The following ERV3-1 variants were observed in gnomAD, a reference collection of about 807,000 sequenced individuals.
The protein encoded by ERV3-1 is endogenous retrovirus group 3 member 1 Env polyprotein.
A neutral mutation model predicts 24.6 loss-of-function variants in ERV3-1; 36 were observed. The ratio of observed to expected loss-of-function variants is 1.47; its 90% CI spans 1.12 to 1.94. ERV3-1 has a LOEUF of 1.94. ERV3-1 is among the 30% of genes most tolerant of loss of function. ERV3-1 has a pLI of 0.00. For synonymous variants in ERV3-1, 211 were observed against 122.6 expected (o/e 1.72, Z -4.76); for missense variants, 578 against 330.9 (o/e 1.75, Z -5.79).
chr7:65,001,636 A>G (rs1227343592), intron 1 of ERV3-1, among the ~76,000 whole-genome samples: 2 of 152,162 alleles, frequency 1.3e-5, no homozygotes, highest in East Asian at 3.9e-4. Context: ...GGAGACCTCA[A>G]ATCCCAGGAC....
chr7:64,992,047 G>A lies in ERV3-1; in HGVS notation c.980C>T (p.Ala327Val). ...GAACCAGATGCTCTGACTTGATGGT[G>A]CAGGTTCGAGGGAAGAGGCGGTTAG... ...FTLTASSLEP[A>V]PSSQSIWFLK... Residue 327 changes from alanine to valine, a missense_variant, in exon 2 of 2, where the codon GCA becomes GTA. Coordinates refer to ENST00000394323, the MANE Select transcript of ERV3-1 (RefSeq NM_001007253.4). 1 of 766,418 alleles carries A rather than the reference G, an allele frequency of 1.3e-6. No homozygotes were observed. The highest frequency in any genetic ancestry group is 2.4e-6 in the Non-Finnish European group (1 of 417,912). The allele number at this position is 766,418 out of a possible 1,614,324, so 47.5% of individuals were successfully genotyped here.
chr7:65,003,669 A>G (rs926273030), intron 1 of ERV3-1: 22 of 152,230 alleles, frequency 1.4e-4, no homozygotes, highest in African/African-American at 4.6e-4. Flanking sequence ...TACGGTACTT[A>G]CATTTCATAC....
intron 1 of ERV3-1, among the ~76,000 whole-genome samples, chr7:65,001,853 T>C (rs1309339790): frequency 6.6e-6 from 1 of 152,182 alleles, no homozygotes; most frequent in Admixed American, 6.5e-5. Context: ...CAGACCCTGA[T>C]CCAGGGCTCA....
In ERV3-1 at chr7:64,991,823, A is replaced by C. The variant is rs370825178; in HGVS notation, c.1204T>G (p.Trp402Gly). 88 of 766,262 alleles carry C rather than the reference A, an allele frequency of 1.1e-4. 1 individual carries two copies. In the African/African-American group the frequency reaches 1.4e-3, roughly 12 times the overall value. 47.5% of individuals were successfully genotyped at this position (766,262 alleles called of 1,614,324 possible). The change falls in exon 2 of 2, where the codon TGG becomes GGG. Residue 402 changes from tryptophan (W) to glycine (G), a missense_variant. Trp to Gly is a radical substitution (Grantham distance 184). Coordinates refer to ENST00000394323, the MANE Select transcript of ERV3-1 (RefSeq NM_001007253.4). Reference sequence around the variant, plus strand: ...GTATTTGGAGCTTCAAGTTGGTACCAAGAATGGTTTAAAGATGGGAAACGA... The same window carrying C: ...GTATTTGGAGCTTCAAGTTGGTACCCAGAATGGTTTAAAGATGGGAAACGA... ...FSRFPSLNHSWYQLEAPNTWQ... is the reference protein window; with the variant it reads ...FSRFPSLNHSGYQLEAPNTWQ...
In ERV3-1 at chr7:64,992,217, G is replaced by T. The variant is rs78922349; in HGVS notation, c.810C>A (p.Pro270=). ...GTTGGGCGAATAAATTACTGGCCAA[G>T]GGAGGGGGCTCAGGCAATTTCTGGT... The part of the protein sequence containing the change: ...HVNQKLPEPP[P]LASNLFAQLA... The change falls in exon 2 of 2, where the codon CCC becomes CCA. Residue 270 remains proline (P), a synonymous_variant. Coordinates refer to ENST00000394323, the MANE Select transcript of ERV3-1 (RefSeq NM_001007253.4). 10 of 766,416 alleles carry T rather than the reference G, an allele frequency of 1.3e-5. No individual in the cohort carries two copies. In the Admixed American group the frequency reaches 1.7e-4, roughly 13 times the overall value. The allele number at this position is 766,416 out of a possible 1,614,324, so 47.5% of individuals were successfully genotyped here. A position where few individuals can be genotyped will look rare whatever the true frequency, so the allele number is the denominator to read the frequency against.
rs1216551076 is a variant in ERV3-1 at position 64,993,186 on chromosome 7, G to A, written c.-160C>T. ...GCTTCGGCCGTGCATAGACTAGTCA[G>A]CTTCTGGGGTGACTAGAGCAGGGCT... On this transcript the variant is annotated 5_prime_UTR_variant, in exon 2 of 2. Coordinates refer to ENST00000394323, the MANE Select transcript of ERV3-1 (RefSeq NM_001007253.4). The A allele has an allele frequency of 5.0e-6, 3 of 594,316 alleles. No homozygotes were observed. The highest frequency in any genetic ancestry group is 9.0e-6 in the Non-Finnish European group (3 of 334,662). 36.8% of individuals were successfully genotyped at this position (594,316 alleles called of 1,614,324 possible).
At chr7:65,005,201 T>C (rs1393509558) in intron 1 of ERV3-1, 1 of 152,852 alleles carries the variant, frequency 6.5e-6, no homozygotes, top group Non-Finnish European at 1.5e-5. Context: ...GGAGCTGAAA[T>C]TTACTAGACA....
rs779807067 is a variant in ERV3-1, at chr7:64,991,859, T to C, written c.1168A>G (p.Ser390Gly). The part of the protein sequence containing the change: ...KSNNSESPHP[S>G]PFSRFPSLNH... ...AAAGATGGGAAACGAGAGAATGGGCTTGGGTGTGGTGATTCAGAATTATTG... is the reference window on the plus strand; with the variant it reads ...AAAGATGGGAAACGAGAGAATGGGCCTGGGTGTGGTGATTCAGAATTATTG... The change falls in exon 2 of 2, where the codon AGC becomes GGC. Residue 390 changes from serine (S) to glycine (G), a missense_variant. Coordinates refer to ENST00000394323, the MANE Select transcript of ERV3-1 (RefSeq NM_001007253.4). 7 of 766,284 alleles carry C rather than the reference T, an allele frequency of 9.1e-6. No homozygotes were observed. Among genetic ancestry groups the C allele is most frequent in the South Asian group, 2.7e-5 (2 of 74,604 alleles). The allele number at this position is 766,284 out of a possible 1,614,324, so 47.5% of individuals were successfully genotyped here. A position where few individuals can be genotyped will look rare whatever the true frequency, so the allele number is the denominator to read the frequency against.
At chr7:65,000,413 G>T (rs1336388022) in intron 1 of ERV3-1, among the ~76,000 whole-genome samples, 37 of 174 alleles carry the variant, frequency 0.21, no homozygotes, top group Non-Finnish European at 0.34. Context: ...TAGTAGAGAC[G>T]GGGGTGTCAT....
chr7:64,995,018 C>G (rs1786377103), intron 1 of ERV3-1, among the ~76,000 whole-genome samples: 1 of 152,254 alleles, frequency 6.6e-6, no homozygotes, highest in South Asian at 2.1e-4. Context: ...TTGCCACAGT[C>G]ACGGAAGGTG....
chr7:65,002,399 C>A (rs777999388), intron 1 of ERV3-1, among the ~76,000 whole-genome samples: 1 of 152,224 alleles, frequency 6.6e-6, no homozygotes, highest in African/African-American at 2.4e-5. Context: ...TCTTGGGTCA[C>A]TGAAACCTCT....
In ERV3-1 at chr7:65,006,675, T is replaced by A. The variant is rs1337374654; in HGVS notation, c.-523A>T. 3.4e-6 allele frequency: 5 copies of A among 1,483,168 alleles called. No individual in the cohort carries two copies. The Admixed American group carries it at 8.6e-5, about 26-fold the overall frequency. The allele number at this position is 1,483,168 out of a possible 1,614,324, so 91.9% of individuals were successfully genotyped here. On this transcript the variant is annotated 5_prime_UTR_variant, in exon 1 of 2. Transcript: ENST00000394323. ...TGAAGACTACACCAGAAGCTCCGGCTGCCGCCAGAGACAAAGGCCCCACCA... is the reference window on the plus strand; with the variant it reads ...TGAAGACTACACCAGAAGCTCCGGCAGCCGCCAGAGACAAAGGCCCCACCA...
chr7:64,992,630 A>G lies in ERV3-1; in HGVS notation c.397T>C (p.Phe133Leu). 1.3e-6 allele frequency: 1 copy of G among 766,462 alleles called. No homozygotes were observed. The highest frequency in any genetic ancestry group is 1.3e-5 in the South Asian group (1 of 74,620). The allele number at this position is 766,462 out of a possible 1,614,324, so 47.5% of individuals were successfully genotyped here. Residue 133 changes from phenylalanine (F) to leucine (L), a missense_variant, in exon 2 of 2, where the codon TTT becomes CTT. By Grantham distance (22) the Phe-to-Leu change is conservative. Coordinates refer to ENST00000394323, the MANE Select transcript of ERV3-1 (RefSeq NM_001007253.4). ...VCQIVSMGSL[F>L]PVIFSSMEYY... Reference sequence around the variant, plus strand: ...TCCATGGAACTGAAGATTACGGGAAAGAGTGAGCCCATGGATACTATCTGG... The same window carrying G: ...TCCATGGAACTGAAGATTACGGGAAGGAGTGAGCCCATGGATACTATCTGG...
intron 1 of ERV3-1, among the ~76,000 whole-genome samples, chr7:65,001,783 A>G (rs1017717457): frequency 1.3e-5 from 2 of 152,182 alleles, no homozygotes; most frequent in African/African-American, 2.4e-5. Flanking sequence ...ACACCAAGCA[A>G]TTCTTCAAAA....
chr7:65,005,379 C>T (rs918135992), intron 1 of ERV3-1, among the ~76,000 whole-genome samples: 3 of 152,100 alleles, frequency 2.0e-5, no homozygotes, highest in Non-Finnish European at 2.9e-5. Context: ...TGGCTAGAGG[C>T]AATAAAAGGA....
At chr7:65,002,297 T>G (rs1786540811) in intron 1 of ERV3-1, among the ~76,000 whole-genome samples, 1 of 152,184 alleles carries the variant, frequency 6.6e-6, no homozygotes, top group Non-Finnish European at 1.5e-5. Context: ...ATTAGCTAAA[T>G]TTGTCTTCAG....
In ERV3-1 at chr7:65,006,583, T is replaced by G; in HGVS notation, c.-431A>C. The G allele has an allele frequency of 6.4e-7, 1 of 1,574,734 alleles. No individual in the cohort carries two copies. The highest frequency in any genetic ancestry group is 8.7e-7 in the Non-Finnish European group (1 of 1,146,060). Reference sequence around the variant, plus strand: ...TGGGTCCTGGCGTCTTAGCTGTGGATCTCCCAATACCTGCAGGTAACGAGG... The same window carrying G: ...TGGGTCCTGGCGTCTTAGCTGTGGAGCTCCCAATACCTGCAGGTAACGAGG... On this transcript the variant is annotated 5_prime_UTR_variant, in exon 1 of 2. Transcript: ENST00000394323.
In ERV3-1 at chr7:64,991,606, G is replaced by A; in HGVS notation, c.1421C>T (p.Thr474Ile). 1 of 704,158 alleles carries A rather than the reference G, an allele frequency of 1.4e-6. No individual in the cohort carries two copies. The highest frequency in any genetic ancestry group is 2.6e-6 in the Non-Finnish European group (1 of 385,030). The allele number at this position is 704,158 out of a possible 1,614,324, so 43.6% of individuals were successfully genotyped here. The change falls in exon 2 of 2, where the codon ACT becomes ATT. Residue 474 changes from threonine to isoleucine, a missense_variant. Coordinates refer to ENST00000394323, the MANE Select transcript of ERV3-1 (RefSeq NM_001007253.4). ...ETKRKSKRGI[T>I]IGDWKDNEWP... ...TTCATTGTCCTTCCAATCTCCTATA[G>A]TTATGCCTCTTTTGCTTTTCCTTTT...
chr7:65,001,282 TTC>T (rs776956640), intron 1 of ERV3-1, among the ~76,000 whole-genome samples: 17 of 152,214 alleles, frequency 1.1e-4, no homozygotes, highest in Non-Finnish European at 2.1e-4. Context: ...TCTGATTTAT[TTC>T]TGTGTCCATG....
Sources: allele counts gnomAD v4.1 joint callset (sites outside exome capture counted in the v4.1 genomes callset), GRCh38; gene constraint gnomAD v4.1.1; transcripts MANE v1.5; gene names NCBI Gene and HGNC (gene_info 2026-07-23, HGNC 2026-07-21).